Variants in CAMK4 observed in about 807,000 individuals in gnomAD.
The protein encoded by CAMK4 is calcium/calmodulin dependent protein kinase IV.
A neutral mutation model predicts 44.9 loss-of-function variants in CAMK4; 22 were observed. The observed-to-expected ratio is 0.49, with a 90% CI of 0.35 to 0.70. CAMK4 has a LOEUF of 0.70. CAMK4 is among the 30% of genes least tolerant of loss of function. The pLI is 0.01. For missense variants in CAMK4, 498 were observed against 586.8 expected (o/e 0.85, Z 1.56); for synonymous variants, 218 against 215.4 (o/e 1.01, Z -0.11).
intron 1 of CAMK4, among the ~76,000 whole-genome samples, chr5:111,325,235 C>CTA (rs1748832687): frequency 6.6e-6 from 1 of 151,848 alleles, no homozygotes; most frequent in African/African-American, 2.4e-5. Context: ...TATATATATG[C>CTA]CACATTTTCT....
intron 4 of CAMK4, among the ~76,000 whole-genome samples, chr5:111,384,934 G>C (rs1751546041): frequency 6.6e-6 from 1 of 152,044 alleles, no homozygotes; most frequent in East Asian, 1.9e-4. Flanking sequence ...TACCATGCTG[G>C]CTTTACCACC....
At chr5:111,386,304 A>G (rs1167390937) in intron 4 of CAMK4, among the ~76,000 whole-genome samples, 6 of 152,138 alleles carry the variant, frequency 3.9e-5, no homozygotes, top group African/African-American at 1.4e-4. Context: ...TGGTTCCTGA[A>G]ACTTTATATT....
At chr5:111,444,705 C>G (rs2112968751) in intron 5 of CAMK4, among the ~76,000 whole-genome samples, 1 of 152,302 alleles carries the variant, frequency 6.6e-6, no homozygotes, top group Non-Finnish European at 1.5e-5. Flanking sequence ...ACCCCCCTTA[C>G]TTGGCTTAAG....
intron 5 of CAMK4, among the ~76,000 whole-genome samples, chr5:111,431,786 A>G (rs1753453040): frequency 6.6e-6 from 1 of 152,216 alleles, no homozygotes; most frequent in East Asian, 1.9e-4. Flanking sequence ...ATCATCAGAG[A>G]AATGCAAATC....
chr5:111,378,520 A>G (rs1751298760), intron 4 of CAMK4, among the ~76,000 whole-genome samples: 1 of 152,166 alleles, frequency 6.6e-6, no homozygotes, highest in South Asian at 2.1e-4. Context: ...CAAAAGGTCT[A>G]GCTTCATTGC....
rs541497846 is a variant in CAMK4, at chr5:111,494,856, C to T, written c.*10390C>T. ...TGTAAAGCAGTTGGCATGTAGAATA[C>T]GATAATAAATCATTTAAGAAACCAC... On this transcript the variant is annotated 3_prime_UTR_variant, in exon 11 of 11. Coordinates refer to ENST00000282356, the MANE Select transcript of CAMK4 (RefSeq NM_001744.6). The T allele has an allele frequency of 4.6e-5, 7 of 152,160 alleles. No homozygotes were observed. The highest frequency in any genetic ancestry group is 1.4e-4 in the African/African-American group (6 of 41,514). The allele number at this position is 152,160 out of a possible 1,614,324, so 9.4% of individuals were successfully genotyped here.
chr5:111,273,259 A>C (rs1234291290), intron 1 of CAMK4, among the ~76,000 whole-genome samples: 7 of 152,194 alleles, frequency 4.6e-5, no homozygotes, highest in Non-Finnish European at 1.0e-4. Flanking sequence ...TTTAGATATA[A>C]ATGCATAAAT....
chr5:111,483,219 A>G (rs1371680352), intron 10 of CAMK4, among the ~76,000 whole-genome samples: 2 of 152,178 alleles, frequency 1.3e-5, no homozygotes, highest in African/African-American at 4.8e-5. Flanking sequence ...TAATTAAAGT[A>G]TACTGCTTAA....
intron 5 of CAMK4, among the ~76,000 whole-genome samples, chr5:111,427,825 G>A (rs941204312): frequency 2.6e-5 from 4 of 152,248 alleles, no homozygotes; most frequent in African/African-American, 9.6e-5. Flanking sequence ...TGCCCTGAAG[G>A]GAAGGTTACA....
intron 1 of CAMK4, among the ~76,000 whole-genome samples, chr5:111,328,292 G>C (rs367562986): frequency 4.1e-4 from 62 of 151,426 alleles, no homozygotes; most frequent in South Asian, 3.3e-3. Context: ...GCTTGTTTTT[G>C]TCAGGTTTGT....
At chr5:111,352,229 G>T (rs1054061227) in intron 2 of CAMK4, among the ~76,000 whole-genome samples, 2 of 151,956 alleles carry the variant, frequency 1.3e-5, no homozygotes, top group African/African-American at 4.8e-5. Flanking sequence ...ATTAAGAAAA[G>T]CACCAAAGCC....
intron 1 of CAMK4, among the ~76,000 whole-genome samples, chr5:111,341,993 T>C (rs1749665763): frequency 6.6e-6 from 1 of 151,548 alleles, no homozygotes; most frequent in Admixed American, 6.6e-5. Flanking sequence ...TATTCATGTC[T>C]ATTCTTTCTT....
intron 1 of CAMK4, among the ~76,000 whole-genome samples, chr5:111,298,858 T>G (rs1012311778): frequency 1.3e-5 from 2 of 152,262 alleles, no homozygotes; most frequent in African/African-American, 4.8e-5. Context: ...GTTGTACCTT[T>G]ATCCCTGACA....
chr5:111,403,670 A>T (rs1752312682), intron 5 of CAMK4, among the ~76,000 whole-genome samples: 1 of 152,198 alleles, frequency 6.6e-6, no homozygotes, highest in African/African-American at 2.4e-5. Flanking sequence ...CAGAGCATAG[A>T]CATTTTATCA....
chr5:111,406,273 T>C (rs1298255), intron 5 of CAMK4, among the ~76,000 whole-genome samples: 1 of 151,118 alleles, frequency 6.6e-6, no homozygotes, highest in Non-Finnish European at 1.5e-5. Flanking sequence ...CAGGCTGGAG[T>C]GCAGTGGTGT....
chr5:111,245,274 C>T (rs1294095011), intron 1 of CAMK4, among the ~76,000 whole-genome samples: 1 of 152,130 alleles, frequency 6.6e-6, no homozygotes, highest in African/African-American at 2.4e-5. Context: ...CTTCTTTACC[C>T]CAGTCAGTAA....
At chr5:111,275,706 A>C (rs1414951952) in intron 1 of CAMK4, among the ~76,000 whole-genome samples, 1 of 152,118 alleles carries the variant, frequency 6.6e-6, no homozygotes, top group African/African-American at 2.4e-5. Context: ...AAAAGTTTTA[A>C]TATTCGATAG....
intron 1 of CAMK4, among the ~76,000 whole-genome samples, chr5:111,253,819 TG>T (rs1480429036): frequency 6.6e-6 from 1 of 152,228 alleles, no homozygotes; most frequent in Admixed American, 6.5e-5. Flanking sequence ...TATATGCACA[TG>T]GATATTTCTT....
intron 2 of CAMK4, among the ~76,000 whole-genome samples, chr5:111,358,831 G>A (rs1750482410): frequency 6.6e-6 from 1 of 152,020 alleles, no homozygotes; most frequent in South Asian, 2.1e-4. Context: ...TTAGTTTTCT[G>A]TTACTGTGTT....
Sources: gnomAD v4.1 joint callset for allele counts (sites outside exome capture counted in the v4.1 genomes callset) on GRCh38, gnomAD v4.1.1 for gene constraint, MANE v1.5 for transcripts, NCBI Gene and HGNC (gene_info 2026-07-23, HGNC 2026-07-21) for gene names.